Variants in SMC1B observed in about 807,000 individuals in gnomAD.
The protein encoded by SMC1B is structural maintenance of chromosomes protein 1B.
A neutral mutation model predicts 157.9 loss-of-function variants in SMC1B; 60 were observed. The observed-to-expected ratio is 0.38, with a 90% CI of 0.31 to 0.47. The LOEUF is 0.47. SMC1B is among the 20% of genes least tolerant of loss of function. SMC1B has a pLI of 0.99. For missense variants in SMC1B, 1,165 were observed against 1,426.2 expected (o/e 0.82, Z 2.95); for synonymous variants, 445 against 483.0 (o/e 0.92, Z 1.03).
At chr22:45,384,840 AG>A (rs1359915158) in intron 11 of SMC1B, among the ~76,000 whole-genome samples, 2 of 152,168 alleles carry the variant, frequency 1.3e-5, no homozygotes, top group African/African-American at 4.8e-5. Flanking sequence ...GAAGAGTTTT[AG>A]ATTAACTATA....
chr22:45,357,646 C>G (rs1394077534), intron 19 of SMC1B, among the ~76,000 whole-genome samples: 4 of 152,092 alleles, frequency 2.6e-5, no homozygotes. Context: ...TTTGGCTAGA[C>G]ATTTCATGAC....
intron 12 of SMC1B, among the ~76,000 whole-genome samples, chr22:45,376,039 C>T (rs756777675): frequency 5.9e-5 from 9 of 152,048 alleles, no homozygotes; most frequent in Non-Finnish European, 7.4e-5. Context: ...GTAAAATATA[C>T]GTAACATAAA....
At chr22:45,389,538 T>C (rs1247436156) in intron 10 of SMC1B, among the ~76,000 whole-genome samples, 174 bp downstream of exon 10, 1 of 152,240 alleles carries the variant, frequency 6.6e-6, no homozygotes, top group Admixed American at 6.5e-5. Flanking sequence ...GAGTAGCCAC[T>C]TGATATTATT....
intron 6 of SMC1B, among the ~76,000 whole-genome samples, chr22:45,398,382 G>A (rs1341858881): frequency 6.6e-6 from 1 of 152,212 alleles, no homozygotes; most frequent in Non-Finnish European, 1.5e-5. Flanking sequence ...GGCTGAGTGA[G>A]CAGTCGTGGC....
chr22:45,363,168 T>A (rs2086738102), intron 15 of SMC1B, 142 bp from the exon 16 acceptor site: 1 of 592,472 alleles, frequency 1.7e-6, no homozygotes, highest in African/African-American at 1.9e-5. Flanking sequence ...AACTTAATAA[T>A]TATCAATTCA....
In SMC1B at chr22:45,402,564, C is replaced by T. The variant is rs774462941; in HGVS notation, c.623G>A (p.Arg208His). 8.7e-6 allele frequency: 14 copies of T among 1,611,300 alleles called. 1 individual carries two copies. In the South Asian group the frequency reaches 1.3e-4, roughly 15 times the overall value. The change falls in exon 5 of 25, where the codon CGT becomes CAT. Residue 208 changes from arginine (R) to histidine (H), a missense_variant. Arg to His is a conservative substitution (Grantham distance 29). Transcript: ENST00000357450. ...CAGTTCTTCAAGGAGACTCTGGTAA[C>T]GTTCTGCCTATAAAAGAGTATAATT... The part of the protein sequence containing the change: ...QAKLEKEEAE[R>H]YQSLLEELKM...
Position 45,352,545 on chromosome 22 carries a change from AGTTAT to A in SMC1B, c.3326_3330del (p.Tyr1109LeufsTer43). The A allele has an allele frequency of 6.2e-7, 1 of 1,614,042 alleles. No homozygotes were observed. The highest frequency in any genetic ancestry group is 8.5e-7 in the Non-Finnish European group (1 of 1,179,934). On this transcript the variant is annotated frameshift_variant, in exon 22 of 25. Coordinates refer to ENST00000357450, the MANE Select transcript of SMC1B (RefSeq NM_148674.5). LOFTEE classifies it high-confidence loss of function. ...ATAAACCGTTTGCCTGGGGCCACAC[AGTTAT>A]AGCTAATTCCCTCCAAGTAAGGTTC...
intron 22 of SMC1B, 98 bp downstream of exon 22, chr22:45,352,352 GC>G: frequency 9.0e-7 from 1 of 1,106,396 alleles, no homozygotes; most frequent in African/African-American, 1.6e-5. Context: ...TATCTCATTT[GC>G]TAAATATTAA....
In SMC1B at chr22:45,413,562, G is replaced by A; in HGVS notation, c.6C>T (p.Ala2=). Residue 2 remains alanine, a synonymous_variant, in exon 1 of 25, where the codon GCC becomes GCT. Coordinates refer to ENST00000357450, the MANE Select transcript of SMC1B (RefSeq NM_148674.5). ...TTTCCACAAGCAGCAGCTCCAGGTG[G>A]GCCATGGCGCCGCCCTCCACGCCTC... is the stretch of plus-strand genomic sequence containing the variant. M[A]HLELLLVENF... is the part of the protein sequence containing the mutation. 1 of 1,604,498 alleles carries A rather than the reference G, an allele frequency of 6.2e-7. No individual in the cohort carries two copies. Among genetic ancestry groups the A allele is most frequent in the South Asian group, 1.1e-5 (1 of 89,436 alleles).
chr22:45,394,861 T>A (rs1021122735), intron 7 of SMC1B, 94 bp from the exon 8 acceptor site: 11 of 1,214,816 alleles, frequency 9.1e-6, no homozygotes, highest in Non-Finnish European at 1.0e-5. Flanking sequence ...TAAGCTGTTA[T>A]AAAATTGAAA....
intron 15 of SMC1B, among the ~76,000 whole-genome samples, 190 bp from the exon 16 acceptor site, chr22:45,363,216 C>T (rs2086738518): frequency 6.6e-6 from 1 of 152,116 alleles, no homozygotes; most frequent in African/African-American, 2.4e-5. Context: ...CACTAATTGA[C>T]CCTCCCACCA....
Position 45,402,580 on chromosome 22 carries a change from G to A in SMC1B, c.616-9C>T, listed in dbSNP as rs909512526. 6.9e-6 allele frequency: 11 copies of A among 1,597,676 alleles called. No individual in the cohort carries two copies. The African/African-American group carries it at 1.5e-4, about 21-fold the overall frequency. On this transcript the variant is annotated splice_polypyrimidine_tract_variant and intron_variant, in intron 4 of 24. Coordinates refer to ENST00000357450, the MANE Select transcript of SMC1B (RefSeq NM_148674.5). ...CTCTGGTAACGTTCTGCCTATAAAA[G>A]AGTATAATTCAACAGCAGTTAAAAG...
chr22:45,392,607 G>C (rs1351548680), intron 9 of SMC1B, among the ~76,000 whole-genome samples: 1 of 152,046 alleles, frequency 6.6e-6, no homozygotes, highest in African/African-American at 2.4e-5. Context: ...TTAGGAGTCA[G>C]AAAGTCAAAA....
At chr22:45,351,509 G>A (rs2086614840) in intron 22 of SMC1B, among the ~76,000 whole-genome samples, 1 of 152,190 alleles carries the variant, frequency 6.6e-6, no homozygotes, top group African/African-American at 2.4e-5. Flanking sequence ...TCCTGGTCAT[G>A]GAAATAGAGA....
At chr22:45,373,214 TG>T (rs1261793623) in intron 12 of SMC1B, among the ~76,000 whole-genome samples, 3 of 152,206 alleles carry the variant, frequency 2.0e-5, no homozygotes, top group Non-Finnish European at 4.4e-5. Context: ...CCTGGTGACC[TG>T]GGGCACACGT....
At chr22:45,346,130 G>T (rs895062647) in intron 23 of SMC1B, among the ~76,000 whole-genome samples, 1 of 151,470 alleles carries the variant, frequency 6.6e-6, no homozygotes, top group Non-Finnish European at 1.5e-5. Context: ...GCTTGAACCC[G>T]GGAGGTAGAG....
intron 6 of SMC1B, 68 bp downstream of exon 6, chr22:45,399,027 T>C (rs957884640): frequency 4.9e-5 from 72 of 1,480,408 alleles, no homozygotes; most frequent in East Asian, 3.8e-4. Context: ...ATCTTTTAAA[T>C]TTTTTTCTAA....
chr22:45,392,867 C>CT (rs59347813), intron 9 of SMC1B, among the ~76,000 whole-genome samples: 1 of 152,016 alleles, frequency 6.6e-6, no homozygotes, highest in African/African-American at 2.4e-5. Context: ...TGTGCGGCTA[C>CT]TTTTTGCATT....
chr22:45,389,956 C>A lies in SMC1B; in HGVS notation c.1546-59G>T, dbSNP rs2087038410. The A allele has an allele frequency of 2.1e-6, 3 of 1,400,834 alleles. No homozygotes were observed. In the South Asian group the frequency reaches 3.8e-5, roughly 18 times the overall value. 86.8% of individuals were successfully genotyped at this position (1,400,834 alleles called of 1,614,324 possible). A position where few individuals can be genotyped will look rare whatever the true frequency, so the allele number is the denominator to read the frequency against. ...ATATATTAGAGTGAAATATATAATT[C>A]ATTATTTTCTAATGTAACAAAGTAG... On this transcript the variant is annotated intron_variant, in intron 9 of 24. Coordinates refer to ENST00000357450, the MANE Select transcript of SMC1B (RefSeq NM_148674.5).
Sources: gnomAD v4.1 joint callset for allele counts (sites outside exome capture counted in the v4.1 genomes callset) on GRCh38, gnomAD v4.1.1 for gene constraint, MANE v1.5 for transcripts, NCBI Gene and HGNC (gene_info 2026-07-23, HGNC 2026-07-21) for gene names.